COX4I1: variants seen among roughly 807,000 people sequenced by gnomAD.
The protein encoded by COX4I1 is cytochrome c oxidase subunit 4 isoform 1, mitochondrial.
In COX4I1, 18 loss-of-function variants were observed where a neutral mutation model predicts 21.7. The observed-to-expected ratio is 0.83, with a 90% confidence interval of 0.57 to 1.23. The LOEUF (loss-of-function observed/expected upper bound fraction) is 1.23, where lower values mean the gene tolerates loss of function less well. Among genes scored for constraint, COX4I1 ranks in the 50% most tolerant of loss-of-function variants. COX4I1 has a pLI of 0.00. For missense variants in COX4I1, 238 were observed against 220.7 expected, an observed-to-expected ratio of 1.08 and a Z score of -0.50; for synonymous variants, 100 against 81.5, an observed-to-expected ratio of 1.23 and a Z score of -1.23.
At chr16:85,805,563 G>A in intron 3 of COX4I1, 170 bp from the exon 4 acceptor site, 1 of 876,128 alleles carries the variant, frequency 1.1e-6, no homozygotes, top group Non-Finnish European at 1.7e-6. Flanking sequence ...GCCTGCGTGG[G>A]CACGTGTGTG....
intron 3 of COX4I1, chr16:85,805,360 G>C (rs1439919520): frequency 3.8e-6 from 2 of 524,660 alleles, no homozygotes. Flanking sequence ...ATATCTGCTG[G>C]GTAAGACATA....
rs775398027 is a variant in COX4I1, at chr16:85,805,003, C to T, written c.140C>T (p.Pro47Leu). ...ATGGATCGGCGTGACCACCCCTTGC[C>T]GGAGGTGGCCCATGTCAAGCACCTG... ...AYMDRRDHPLPEVAHVKHLSA... is the reference protein window; with the variant it reads ...AYMDRRDHPLLEVAHVKHLSA... Residue 47 changes from proline (P) to leucine (L), a missense_variant, in exon 3 of 5, where the codon CCG becomes CTG. Transcript: ENST00000253452. 1.9e-5 allele frequency: 30 copies of T among 1,614,028 alleles called. No homozygotes were observed. The highest frequency in any genetic ancestry group is 4.5e-5 in the East Asian group (2 of 44,900).
In COX4I1 at chr16:85,805,025, C is replaced by T. The variant is rs1597218665; in HGVS notation, c.162C>T (p.His54=). ...TGCCGGAGGTGGCCCATGTCAAGCA[C>T]CTGTCTGCCAGCCAGAAGGCATTGA... The part of the protein sequence containing the change: ...HPLPEVAHVK[H]LSASQKALKE... The change falls in exon 3 of 5, where the codon CAC becomes CAT. Residue 54 remains histidine (H), a synonymous_variant. Transcript: ENST00000253452. The T allele has an allele frequency of 6.2e-7, 1 of 1,614,172 alleles. No homozygotes were observed. Among genetic ancestry groups the T allele is most frequent in the South Asian group, 1.1e-5 (1 of 91,080 alleles).
chr16:85,806,073 T>G, intron 4 of COX4I1: 1 of 662,022 alleles, frequency 1.5e-6, no homozygotes, highest in Non-Finnish European at 2.5e-6. Context: ...TGATTATTCA[T>G]AGCCATGCTT....
chr16:85,804,380 C>T (rs2733962), intron 2 of COX4I1: 143,365 of 152,400 alleles, frequency 0.94, 68,105 homozygotes, highest in East Asian at 1. Flanking sequence ...TATTTTGAGA[C>T]GAAGTCTCGC....
chr16:85,801,137 CA>C, intron 1 of COX4I1, 67 bp from the exon 2 acceptor site: 1 of 1,377,102 alleles, frequency 7.3e-7, no homozygotes, highest in South Asian at 1.2e-5. Context: ...TGCTCTGGGG[CA>C]AAAAGAAGAC....
chr16:85,805,776 G>A lies in COX4I1; in HGVS notation c.285G>A (p.Arg95=), dbSNP rs768719849. ...KFKESFAEMN[R]GSNEWKTVVG... is the part of the protein sequence containing the mutation. The stretch of plus-strand genomic sequence containing the variant: ...AGGAGAGCTTTGCTGAGATGAACAG[G>A]GGCTCGAACGAGTGGAAGACGGTTG... The change falls in exon 4 of 5, where the codon AGG becomes AGA. Residue 95 remains arginine, a synonymous_variant. Coordinates refer to ENST00000253452, the MANE Select transcript of COX4I1 (RefSeq NM_001861.6). 1.3e-5 allele frequency: 21 copies of A among 1,614,132 alleles called. No individual in the cohort carries two copies. Among genetic ancestry groups the A allele is most frequent in the Non-Finnish European group, 1.6e-5 (19 of 1,180,052 alleles).
rs1597218665 is a variant in COX4I1 at position 85,805,025 on chromosome 16, C to G, written c.162C>G (p.His54Gln). ...TGCCGGAGGTGGCCCATGTCAAGCA[C>G]CTGTCTGCCAGCCAGAAGGCATTGA... Reference protein sequence around the residue: ...HPLPEVAHVKHLSASQKALKE... With the variant: ...HPLPEVAHVKQLSASQKALKE... The change falls in exon 3 of 5, where the codon CAC becomes CAG. Residue 54 changes from histidine to glutamine, a missense_variant. Transcript: ENST00000253452. 1.2e-6 allele frequency: 2 copies of G among 1,614,054 alleles called. No homozygotes were observed. The highest frequency in any genetic ancestry group is 1.7e-5 in the Admixed American group (1 of 59,992).
intron 1 of COX4I1, among the ~76,000 whole-genome samples, chr16:85,800,906 G>A (rs1905680340): frequency 6.6e-6 from 1 of 152,198 alleles, no homozygotes; most frequent in Admixed American, 6.5e-5. Context: ...TTACCGGCGT[G>A]AGCCACCGCG....
rs11557185 is a variant in COX4I1, at chr16:85,804,975, T to C, written c.112T>C (p.Tyr38His). The C allele has an allele frequency of 2.5e-6, 4 of 1,613,696 alleles. No individual in the cohort carries two copies. Among genetic ancestry groups the C allele is most frequent in the Non-Finnish European group, 3.4e-6 (4 of 1,179,906 alleles). The change falls in exon 3 of 5, where the codon TAT becomes CAT. Residue 38 changes from tyrosine to histidine, a missense_variant. By Grantham distance (83) the Tyr-to-His change is moderately conservative (BLOSUM62 2). Transcript: ENST00000253452. The stretch of plus-strand genomic sequence containing the variant: ...GAGCGAAGACTTTTCGCTCCCAGCT[T>C]ATATGGATCGGCGTGACCACCCCTT... ...VKSEDFSLPA[Y>H]MDRRDHPLPE...
chr16:85,801,370 C>A, intron 2 of COX4I1, 92 bp downstream of exon 2: 1 of 1,083,050 alleles, frequency 9.2e-7, no homozygotes, highest in Non-Finnish European at 1.4e-6. Flanking sequence ...TTTTAAAGAC[C>A]TTAATTCGGC....
chr16:85,800,865 C>T (rs1359859751), intron 1 of COX4I1, among the ~76,000 whole-genome samples: 1 of 152,210 alleles, frequency 6.6e-6, no homozygotes, highest in Non-Finnish European at 1.5e-5. Context: ...CTCAGGTGAT[C>T]TGTCCGCCTC....
At chr16:85,805,641 C>T in intron 3 of COX4I1, 92 bp from the exon 4 acceptor site, 1 of 1,569,190 alleles carries the variant, frequency 6.4e-7, no homozygotes, top group African/African-American at 1.3e-5. Context: ...TCCTCCTTCA[C>T]AAGTGTGGTT....
In COX4I1 at chr16:85,805,712, G is replaced by T. The variant is rs1007448255; in HGVS notation, c.242-21G>T. Reference sequence around the variant, plus strand: ...GCTGCTGACCTTTGTGCCTGTAAATGGCTGTCCTCTCTGCCCCCAGTGTAT... The same window carrying T: ...GCTGCTGACCTTTGTGCCTGTAAATTGCTGTCCTCTCTGCCCCCAGTGTAT... On this transcript the variant is annotated intron_variant, in intron 3 of 4. Coordinates refer to ENST00000253452, the MANE Select transcript of COX4I1 (RefSeq NM_001861.6). 3 of 1,613,188 alleles carry T rather than the reference G, an allele frequency of 1.9e-6. No individual in the cohort carries two copies. The African/African-American group carries it at 4.0e-5, about 21-fold the overall frequency.
intron 2 of COX4I1, among the ~76,000 whole-genome samples, chr16:85,802,895 G>T (rs1905882930): frequency 6.6e-6 from 1 of 152,192 alleles, no homozygotes; most frequent in African/African-American, 2.4e-5. Flanking sequence ...CCAAGGTTTT[G>T]AGGGTTTACG....
chr16:85,803,939 A>G (rs1328111294), intron 2 of COX4I1: 1 of 152,212 alleles, frequency 6.6e-6, no homozygotes, highest in Non-Finnish European at 1.5e-5. Flanking sequence ...TACTTTTTCC[A>G]AACATGTGAT....
intron 3 of COX4I1, 43 bp downstream of exon 3, chr16:85,805,147 G>T: frequency 6.3e-7 from 1 of 1,576,920 alleles, no homozygotes; most frequent in South Asian, 1.2e-5. Flanking sequence ...GCAGCTCTCG[G>T]AAGCGTGTGT....
chr16:85,802,115 A>C (rs1435629690), intron 2 of COX4I1, among the ~76,000 whole-genome samples: 1 of 152,136 alleles, frequency 6.6e-6, no homozygotes, highest in Admixed American at 6.5e-5. Context: ...TTGTACTCAA[A>C]ACCCAAAAAC....
At chr16:85,805,970 G>A in intron 4 of COX4I1, 106 bp downstream of exon 4, 2 of 1,464,378 alleles carry the variant, frequency 1.4e-6, no homozygotes, top group Non-Finnish European at 1.9e-6. Context: ...TATGAGATAG[G>A]GACTGCATTC....
Sources: allele counts gnomAD v4.1 joint callset (sites outside exome capture counted in the v4.1 genomes callset), GRCh38; gene constraint gnomAD v4.1.1; transcripts MANE v1.5; gene names NCBI Gene and HGNC (gene_info 2026-07-23, HGNC 2026-07-21).